Variants in SLC4A4 observed in about 807,000 individuals in gnomAD.
The protein encoded by SLC4A4 is electrogenic sodium bicarbonate cotransporter 1.
SLC4A4 carries 27 observed loss-of-function variants against 111.5 expected under a neutral mutation model. The observed-to-expected ratio is 0.24, with a 90% CI of 0.18 to 0.33. SLC4A4 has a LOEUF of 0.33. SLC4A4 is among the 10% of genes least tolerant of loss of function. SLC4A4 has a pLI of 1.00. For missense variants in SLC4A4, 909 were observed against 1,315.5 expected (o/e 0.69, Z 4.78); for synonymous variants, 443 against 463.4 (o/e 0.96, Z 0.57).
At chr4:71,437,412 A>G in intron 7 of SLC4A4, 1 of 304,352 alleles carries the variant, frequency 3.3e-6, no homozygotes, top group South Asian at 3.2e-5. Flanking sequence ...ATCGGGTAAT[A>G]CTGGAAATAA....
At chr4:71,496,852 A>T (rs564087666) in intron 15 of SLC4A4, among the ~76,000 whole-genome samples, 1 of 152,288 alleles carries the variant, frequency 6.6e-6, no homozygotes, top group South Asian at 2.1e-4. Flanking sequence ...AAGGCATCAC[A>T]GCACATACAA....
intron 2 of SLC4A4, among the ~76,000 whole-genome samples, chr4:71,129,782 A>G (rs36101788): frequency 1.5e-5 from 1 of 68,496 alleles, no homozygotes; most frequent in African/African-American, 5.7e-5. Flanking sequence ...AATACCATGC[A>G]CCAAAAAAAA....
intron 20 of SLC4A4, among the ~76,000 whole-genome samples, chr4:71,548,957 T>A: frequency 6.6e-6 from 1 of 151,956 alleles, no homozygotes; most frequent in East Asian, 1.9e-4. Flanking sequence ...TTAAAATATG[T>A]AATTATTCAT....
chr4:71,103,137 C>A (rs1312519738), intron 2 of SLC4A4, among the ~76,000 whole-genome samples: 1 of 151,736 alleles, frequency 6.6e-6, no homozygotes, highest in Non-Finnish European at 1.5e-5. Flanking sequence ...TCTGATAAAA[C>A]AGACTTTAAA....
At chr4:71,244,686 T>C (rs1720508822) in intron 2 of SLC4A4, among the ~76,000 whole-genome samples, 1 of 152,090 alleles carries the variant, frequency 6.6e-6, no homozygotes, top group East Asian at 1.9e-4. Flanking sequence ...ACACTAAAGC[T>C]AATACTAATA....
intron 2 of SLC4A4, among the ~76,000 whole-genome samples, chr4:71,150,440 C>G (rs938504216): frequency 6.6e-6 from 1 of 152,110 alleles, no homozygotes; most frequent in African/African-American, 2.4e-5. Context: ...TGTAAATATC[C>G]TGATTCCCTC....
chr4:71,144,787 A>G (rs138716098), intron 2 of SLC4A4, among the ~76,000 whole-genome samples: 2,621 of 152,276 alleles, frequency 0.017, 83 homozygotes, highest in African/African-American at 0.06. Context: ...TGATTTTTGC[A>G]CATTGATTTT....
At chr4:71,459,770 T>C (rs574869904) in intron 12 of SLC4A4, among the ~76,000 whole-genome samples, 2 of 152,242 alleles carry the variant, frequency 1.3e-5, no homozygotes, top group African/African-American at 4.8e-5. Flanking sequence ...GCTATACCAG[T>C]TCATATGTCT....
intron 7 of SLC4A4, among the ~76,000 whole-genome samples, chr4:71,438,537 CCTT>C (rs1724377889): frequency 6.6e-6 from 1 of 152,226 alleles, no homozygotes; most frequent in Admixed American, 6.5e-5. Context: ...TCTGATTTTT[CCTT>C]CTTCATGAAA....
intron 1 of SLC4A4, among the ~76,000 whole-genome samples, chr4:71,208,430 CAAA>C (rs34995813): frequency 9.1e-6 from 1 of 110,308 alleles, no homozygotes; most frequent in South Asian, 2.8e-4. Flanking sequence ...GACTCCGTCT[CAAA>C]AAAAAAAAAA....
chr4:71,459,785 A>G (rs966295247), intron 12 of SLC4A4, among the ~76,000 whole-genome samples: 4 of 152,124 alleles, frequency 2.6e-5, no homozygotes, highest in African/African-American at 9.6e-5. Context: ...ATGTCTACCA[A>G]TAACGGACAA....
At chr4:71,189,625 C>A (rs1366398396) in intron 1 of SLC4A4, among the ~76,000 whole-genome samples, 1 of 152,146 alleles carries the variant, frequency 6.6e-6, no homozygotes, top group Admixed American at 6.5e-5. Flanking sequence ...AAGGAAAAGA[C>A]AACACTTAAA....
chr4:71,263,536 T>C (rs1341428536), intron 3 of SLC4A4, among the ~76,000 whole-genome samples: 1 of 152,206 alleles, frequency 6.6e-6, no homozygotes, highest in Non-Finnish European at 1.5e-5. Flanking sequence ...TAAAATAATC[T>C]GGTCTATCCA....
chr4:71,323,988 C>T (rs576021490), intron 3 of SLC4A4, among the ~76,000 whole-genome samples: 6 of 152,048 alleles, frequency 3.9e-5, no homozygotes, highest in Non-Finnish European at 7.4e-5. Flanking sequence ...GTACCCCTTC[C>T]AGGTGTTTTT....
intron 6 of SLC4A4, among the ~76,000 whole-genome samples, chr4:71,381,733 T>C (rs1266840331): frequency 3.3e-5 from 5 of 152,200 alleles, no homozygotes; most frequent in Non-Finnish European, 5.9e-5. Flanking sequence ...ACCTTTTTTT[T>C]TGGAGACACG....
intron 2 of SLC4A4, among the ~76,000 whole-genome samples, chr4:71,179,124 T>C (rs1355758070): frequency 6.6e-6 from 1 of 152,192 alleles, no homozygotes; most frequent in Non-Finnish European, 1.5e-5. Flanking sequence ...TCTCAACAGA[T>C]GCAGAAAAGG....
chr4:71,439,058 A>G (rs1724425370), intron 7 of SLC4A4, among the ~76,000 whole-genome samples: 1 of 151,484 alleles, frequency 6.6e-6, no homozygotes, highest in Non-Finnish European at 1.5e-5. Context: ...TAGCTTCCCC[A>G]TTTCTCAGCT....
chr4:71,317,080 G>A (rs1459428613), intron 3 of SLC4A4, among the ~76,000 whole-genome samples: 2 of 22,882 alleles, frequency 8.7e-5, no homozygotes, highest in East Asian at 1.4e-3. Flanking sequence ...GTGTGCGTGT[G>A]TGTGTGTGTG....
At chr4:71,409,546 G>A (rs966951377) in intron 7 of SLC4A4, among the ~76,000 whole-genome samples, 8 of 152,208 alleles carry the variant, frequency 5.3e-5, no homozygotes, top group Non-Finnish European at 7.3e-5. Context: ...TTTCTAAGCA[G>A]CAAAGCATTC....
Sources: gnomAD v4.1 joint callset for allele counts (sites outside exome capture counted in the v4.1 genomes callset) on GRCh38, gnomAD v4.1.1 for gene constraint, MANE v1.5 for transcripts, NCBI Gene and HGNC (gene_info 2026-07-23, HGNC 2026-07-21) for gene names.